Variants in CLK4 observed in about 807,000 individuals in gnomAD.
CLK4 encodes dual specificity protein kinase CLK4.
In CLK4, 37 loss-of-function variants were observed where a neutral mutation model predicts 64.4. The observed-to-expected ratio is 0.57, with a 90% CI of 0.44 to 0.76. The LOEUF is 0.76. Among genes scored for constraint, CLK4 ranks in the 30% least tolerant of loss-of-function variants. The pLI is 0.00. For synonymous variants in CLK4, 175 were observed against 191.6 expected, an observed-to-expected ratio of 0.91 and a Z score of 0.72; for missense variants, 457 against 605.1, an observed-to-expected ratio of 0.76 and a Z score of 2.57.
chr5:178,619,115 A>G (rs564225122), intron 2 of CLK4, among the ~76,000 whole-genome samples: 1 of 152,338 alleles, frequency 6.6e-6, no homozygotes, highest in Non-Finnish European at 1.5e-5. Flanking sequence ...TCACAGAGGT[A>G]CAATCAGAGG....
intron 5 of CLK4, among the ~76,000 whole-genome samples, chr5:178,615,169 A>C (rs1264259675): frequency 1.3e-5 from 2 of 152,218 alleles, no homozygotes; most frequent in African/African-American, 4.8e-5. Flanking sequence ...AGAGCAACAC[A>C]GTGAGACTCC....
chr5:178,612,640 A>G, intron 8 of CLK4, 95 bp from the exon 9 acceptor site: 1 of 1,352,608 alleles, frequency 7.4e-7, no homozygotes. Context: ...CTTGATTGTC[A>G]AAGTAAGCTC....
At chr5:178,609,481 G>A (rs1395637083) in intron 9 of CLK4, among the ~76,000 whole-genome samples, 5 of 151,954 alleles carry the variant, frequency 3.3e-5, no homozygotes, top group African/African-American at 9.7e-5. Context: ...GGCAGTTCGA[G>A]ACCAGTCTGA....
chr5:178,602,691 C>T lies in CLK4; in HGVS notation c.*926G>A, dbSNP rs1764405560. On this transcript the variant is annotated 3_prime_UTR_variant, in exon 13 of 13. Coordinates refer to ENST00000316308, the MANE Select transcript of CLK4 (RefSeq NM_020666.3). ...AAGTCAAAAAGTTTATGTAACCAAT[C>T]AATTAAATTCTGGAAATTTCAGCAG... The T allele has an allele frequency of 6.6e-6, 1 of 152,230 alleles. No individual in the cohort carries two copies. The highest frequency in any genetic ancestry group is 6.5e-5 in the Admixed American group (1 of 15,286). 9.4% of individuals were successfully genotyped at this position (152,230 alleles called of 1,614,324 possible).
intron 1 of CLK4, among the ~76,000 whole-genome samples, chr5:178,626,433 G>C (rs1035193307): frequency 6.6e-6 from 1 of 152,190 alleles, no homozygotes; most frequent in African/African-American, 2.4e-5. Flanking sequence ...GGATTTGCAC[G>C]GACGCCCGGT....
chr5:178,603,958 G>A, intron 11 of CLK4, 24 bp from the exon 12 acceptor site: 1 of 1,498,252 alleles, frequency 6.7e-7, no homozygotes, highest in Admixed American at 2.0e-5. Context: ...AAAAAAGTCT[G>A]GATTAGTAAA....
intron 2 of CLK4, chr5:178,619,933 A>G (rs1764683310): frequency 3.9e-6 from 2 of 509,712 alleles, no homozygotes; most frequent in Non-Finnish European, 7.3e-6. Flanking sequence ...AGTCAGACAC[A>G]TCGGCTAAAA....
Position 178,610,244 on chromosome 5 carries a change from C to T in CLK4, c.1052-1786G>A, listed in dbSNP as rs1344264983. Among the ~76,000 whole-genome samples, 5 of 151,612 alleles carry T rather than the reference C, an allele frequency of 3.3e-5. No individual in the cohort carries two copies. The East Asian group carries it at 5.8e-4, about 18-fold the overall frequency. On this transcript the variant is annotated intron_variant, in intron 9 of 12. Transcript: ENST00000316308. ...GGCAGAAGTTGCAGTGAGCCGAGATCGTGCCACTGCAGTCCAGCCCGGGTG... is the reference window on the plus strand; with the variant it reads ...GGCAGAAGTTGCAGTGAGCCGAGATTGTGCCACTGCAGTCCAGCCCGGGTG...
chr5:178,613,419 A>AAAATAAAT (rs371797215), intron 7 of CLK4, 54 bp downstream of exon 7: 12 of 1,196,120 alleles, frequency 1.0e-5, no homozygotes, highest in African/African-American at 6.4e-5. Flanking sequence ...ACTCCGTCTC[A>AAAATAAAT]AAATAAATAA....
rs1306162135 is a variant in CLK4 at position 178,617,350 on chromosome 5, C to T, written c.469G>A (p.Ala157Thr). 1 of 1,609,680 alleles carries T rather than the reference C, an allele frequency of 6.2e-7. No individual in the cohort carries two copies. Among genetic ancestry groups the T allele is most frequent in the East Asian group, 2.2e-5 (1 of 44,866 alleles). The change falls in exon 4 of 13, where the codon GCA (alanine) becomes ACA (threonine). Residue 157 changes from alanine (A) to threonine (T), a missense_variant. Ala to Thr is a moderately conservative substitution (Grantham distance 58). Coordinates refer to ENST00000316308, the MANE Select transcript of CLK4 (RefSeq NM_020666.3). The surrounding 1 kb of genome is among the most constrained non-coding windows in gnomAD (Gnocchi z 5.2). Reference sequence around the variant, plus strand: ...GTTGAAAAATATTCTATACATCTTGCTCTTAGAACGTCTCCACTTTGACAG... The same window carrying T: ...GTTGAAAAATATTCTATACATCTTGTTCTTAGAACGTCTCCACTTTGACAG... ...LICQSGDVLR[A>T]RYEIVDTLGE...
At chr5:178,625,829 TC>T (rs1215643585) in intron 1 of CLK4, among the ~76,000 whole-genome samples, 1 of 152,090 alleles carries the variant, frequency 6.6e-6, no homozygotes, top group Non-Finnish European at 1.5e-5. Flanking sequence ...GCCTCTGACC[TC>T]CCCCACTCAC....
chr5:178,610,861 C>T (rs1008188099), intron 9 of CLK4, among the ~76,000 whole-genome samples: 12 of 152,132 alleles, frequency 7.9e-5, no homozygotes, highest in African/African-American at 2.9e-4. Flanking sequence ...CACCTGAGGT[C>T]AGGAGTTCGA....
At chr5:178,621,985 G>A (rs1764712049) in intron 2 of CLK4, 1 of 151,994 alleles carries the variant, frequency 6.6e-6, no homozygotes, top group South Asian at 2.1e-4. Flanking sequence ...CATGGTAAAC[G>A]CTGACCACCA....
Position 178,617,531 on chromosome 5 carries a change from T to C in CLK4, c.385-97A>G, listed in dbSNP as rs1300143931. The C allele has an allele frequency of 8.2e-7, 1 of 1,217,444 alleles. No individual in the cohort carries two copies. 75.4% of individuals were successfully genotyped at this position (1,217,444 alleles called of 1,614,324 possible). A position where few individuals can be genotyped will look rare whatever the true frequency, so the allele number is the denominator to read the frequency against. On this transcript the variant is annotated intron_variant, in intron 3 of 12. Coordinates refer to ENST00000316308, the MANE Select transcript of CLK4 (RefSeq NM_020666.3). The surrounding 1 kb of genome is among the most constrained non-coding windows in gnomAD (Gnocchi z 5.2). ...ACGCAATTCATTCAGCGGGGAGATATTCAGGCATTCAGATAAGCACCAGGC... is the reference window on the plus strand; with the variant it reads ...ACGCAATTCATTCAGCGGGGAGATACTCAGGCATTCAGATAAGCACCAGGC...
chr5:178,609,636 T>C (rs2113802947), intron 9 of CLK4, among the ~76,000 whole-genome samples: 2 of 151,832 alleles, frequency 1.3e-5, no homozygotes, highest in East Asian at 3.9e-4. Flanking sequence ...TAAGCTGAGA[T>C]TGCGCCACTG....
In CLK4 at chr5:178,603,467, A is replaced by G. The variant is rs1437602122; in HGVS notation, c.*150T>C. On this transcript the variant is annotated 3_prime_UTR_variant, in exon 13 of 13. Coordinates refer to ENST00000316308, the MANE Select transcript of CLK4 (RefSeq NM_020666.3). ...AAGACCATACTTGCTTAACAAGTTA[A>G]TTATGCTATTGATACAAAACATACA... is the stretch of plus-strand genomic sequence containing the variant. The G allele has an allele frequency of 4.2e-6, 2 of 481,488 alleles. No homozygotes were observed. Among genetic ancestry groups the G allele is most frequent in the East Asian group, 6.9e-5 (2 of 28,796 alleles). 29.8% of individuals were successfully genotyped at this position (481,488 alleles called of 1,614,324 possible).
intron 9 of CLK4, among the ~76,000 whole-genome samples, chr5:178,609,109 G>A (rs1764515676): frequency 6.6e-6 from 1 of 152,114 alleles, no homozygotes; most frequent in Non-Finnish European, 1.5e-5. Flanking sequence ...AATTCTCAAT[G>A]ACAGTATTAT....
At position 178,608,454 on chromosome 5, in the gene CLK4, T is replaced by A. The variant is rs35272416; in HGVS notation, c.1056A>T (p.Leu352Phe). 4.9e-3 allele frequency: 7,821 copies of A among 1,601,670 alleles called. 28 individuals are homozygous for A. The highest frequency in any genetic ancestry group is 5.6e-3 in the Non-Finnish European group (6,624 of 1,175,616). Residue 352 changes from leucine to phenylalanine, a missense_variant, in exon 10 of 13, where the codon TTA (leucine) becomes TTT (phenylalanine). Leu to Phe is a conservative substitution (Grantham distance 22). Transcript: ENST00000316308. ...HYRAPEVILA[L>F]GWSQPCDVWS... ...AAACATCACAAGGCTGAGACCAACCTAAAGCTATTTTAAAACAAATAGAAA... is the reference window on the plus strand; with the variant it reads ...AAACATCACAAGGCTGAGACCAACCAAAAGCTATTTTAAAACAAATAGAAA...
At chr5:178,626,549 G>A (rs914505288) in intron 1 of CLK4, among the ~76,000 whole-genome samples, 1 of 152,254 alleles carries the variant, frequency 6.6e-6, no homozygotes, top group African/African-American at 2.4e-5. Context: ...AACGGCCCAG[G>A]CCAGGAATCC....
Sources: allele counts gnomAD v4.1 joint callset (sites outside exome capture counted in the v4.1 genomes callset), GRCh38; gene constraint gnomAD v4.1.1; non-coding constraint Gnocchi (gnomAD v3.1); transcripts MANE v1.5; gene names NCBI Gene and HGNC (gene_info 2026-07-23, HGNC 2026-07-21).